The following SGCD variants were observed in gnomAD, a reference collection of about 807,000 sequenced individuals.
SGCD encodes sarcoglycan delta.
A neutral mutation model predicts 36.6 loss-of-function variants in SGCD; 18 were observed. The observed-to-expected ratio is 0.49, with a 90% CI of 0.34 to 0.73. The LOEUF (loss-of-function observed/expected upper bound fraction) is 0.73, where lower values mean the gene tolerates loss of function less well. Among genes scored for constraint, SGCD ranks in the 30% least tolerant of loss-of-function variants. The pLI, the probability that SGCD is intolerant of heterozygous loss-of-function variation, is 0.01. For synonymous variants in SGCD, 133 were observed against 130.6 expected, an observed-to-expected ratio of 1.02 and a Z score of -0.12; for missense variants, 387 against 346.7, an observed-to-expected ratio of 1.12 and a Z score of -0.92.
chr5:156,193,892 A>G (rs1399656084), intron 3 of SGCD, among the ~76,000 whole-genome samples: 2 of 152,222 alleles, frequency 1.3e-5, no homozygotes, highest in East Asian at 3.8e-4. Context: ...GGCAACACTC[A>G]TGTTGTTGAC....
At chr5:156,028,892 A>T (rs2127575073) in intron 1 of SGCD, among the ~76,000 whole-genome samples, 1 of 152,338 alleles carries the variant, frequency 6.6e-6, no homozygotes, top group East Asian at 1.9e-4. Flanking sequence ...TTACTAATTA[A>T]AAGACATACC....
chr5:156,055,657 T>C (rs1760039347), intron 1 of SGCD, among the ~76,000 whole-genome samples: 1 of 146,368 alleles, frequency 6.8e-6, no homozygotes, highest in East Asian at 1.9e-4. Context: ...GGAAATGTAC[T>C]CTTTAACAAA....
chr5:155,848,466 C>T, the SGCD span, among the ~76,000 whole-genome samples: 1 of 152,110 alleles, frequency 6.6e-6, no homozygotes, highest in African/African-American at 2.4e-5. Flanking sequence ...AAAAACCACC[C>T]CTGGAATATG....
chr5:156,349,613 G>A (rs760760194), intron 3 of SGCD, among the ~76,000 whole-genome samples: 51 of 152,084 alleles, frequency 3.4e-4, no homozygotes, highest in Non-Finnish European at 6.3e-4. Context: ...TTTGGATGTG[G>A]TGAAGAAGGA....
At chr5:156,592,559 C>T (rs968220419) in intron 5 of SGCD, among the ~76,000 whole-genome samples, 1 of 152,048 alleles carries the variant, frequency 6.6e-6, no homozygotes, top group Non-Finnish European at 1.5e-5. Context: ...CTGGCTCTTC[C>T]AGATGTGCTG....
intron 3 of SGCD, among the ~76,000 whole-genome samples, chr5:156,315,252 T>A: frequency 8.1e-6 from 1 of 123,936 alleles, no homozygotes; most frequent in East Asian, 2.6e-4. Context: ...TACTCTCTGT[T>A]ACTTTGAGTC....
chr5:156,340,899 C>CT (rs1768615565), intron 2 of SGCD, among the ~76,000 whole-genome samples: 1 of 152,192 alleles, frequency 6.6e-6, no homozygotes, highest in Non-Finnish European at 1.5e-5. Flanking sequence ...CTAAATTTCC[C>CT]TTTCCATGCA....
At chr5:156,266,449 C>A (rs985330203) in intron 3 of SGCD, among the ~76,000 whole-genome samples, 1 of 152,092 alleles carries the variant, frequency 6.6e-6, no homozygotes, top group Non-Finnish European at 1.5e-5. Context: ...CACTTTGTAC[C>A]ATGTCTCTTT....
chr5:155,862,966 G>A, the SGCD span, among the ~76,000 whole-genome samples: 1 of 152,226 alleles, frequency 6.6e-6, no homozygotes, highest in African/African-American at 2.4e-5. Flanking sequence ...AATCCAGAGG[G>A]AAGATGTCCA....
intron 3 of SGCD, among the ~76,000 whole-genome samples, chr5:156,308,487 A>G (rs1308600742): frequency 6.6e-6 from 1 of 151,986 alleles, no homozygotes; most frequent in Non-Finnish European, 1.5e-5. Context: ...TTTAGTAGAG[A>G]TGGGGTTTCA....
chr5:156,667,635 G>A (rs1310461241), intron 7 of SGCD, among the ~76,000 whole-genome samples: 2 of 152,202 alleles, frequency 1.3e-5, no homozygotes, highest in Non-Finnish European at 2.9e-5. Context: ...TCAGTAGTCT[G>A]TACTCTGAAG....
chr5:156,117,757 T>C (rs1333153817), intron 1 of SGCD: 2 of 152,256 alleles, frequency 1.3e-5, no homozygotes, highest in Non-Finnish European at 2.9e-5. Context: ...TAGGCAGGGA[T>C]CTAATGCTTT....
intron 1 of SGCD, among the ~76,000 whole-genome samples, chr5:156,068,091 A>G (rs1004287924): frequency 6.6e-6 from 1 of 150,712 alleles, no homozygotes; most frequent in Non-Finnish European, 1.5e-5. Flanking sequence ...TGTCCCTAGA[A>G]TTTTATATTT....
chr5:156,413,762 G>A (rs1772890182), intron 3 of SGCD, among the ~76,000 whole-genome samples: 1 of 152,152 alleles, frequency 6.6e-6, no homozygotes, highest in Non-Finnish European at 1.5e-5. Flanking sequence ...AACAAACTTT[G>A]TCTTTGCTAG....
chr5:155,877,314 T>A (rs1490512367), intron 1 of SGCD, among the ~76,000 whole-genome samples: 1 of 152,178 alleles, frequency 6.6e-6, no homozygotes, highest in Admixed American at 6.6e-5. Context: ...TTTGCCAAGT[T>A]ACTCATGGCC....
At chr5:155,845,901 G>GTTCTGTGCCACATGCTCAT in the SGCD span, among the ~76,000 whole-genome samples, 28 of 152,146 alleles carry the variant, frequency 1.8e-4, no homozygotes, top group African/African-American at 6.8e-4. Context: ...CATCTTTGAT[G>GTTCTGTGCCACATGCTCAT]TTCTGTGCCA....
At chr5:156,210,688 G>A (rs913253669) in intron 3 of SGCD, among the ~76,000 whole-genome samples, 1 of 151,860 alleles carries the variant, frequency 6.6e-6, no homozygotes, top group Non-Finnish European at 1.5e-5. Context: ...ATGCAATGAA[G>A]AGATTTAGAA....
At chr5:155,900,678 T>C (rs1756370162) in intron 1 of SGCD, among the ~76,000 whole-genome samples, 1 of 151,024 alleles carries the variant, frequency 6.6e-6, no homozygotes, top group Non-Finnish European at 1.5e-5. Flanking sequence ...TGCTTTTTAA[T>C]AGATGTTGGA....
chr5:156,628,584 G>A (rs1762516287), intron 6 of SGCD, among the ~76,000 whole-genome samples: 1 of 152,114 alleles, frequency 6.6e-6, no homozygotes, highest in Admixed American at 6.5e-5. Context: ...GAAGTCACTG[G>A]GATCTGCCAT....
Sources: allele counts gnomAD v4.1 joint callset (sites outside exome capture counted in the v4.1 genomes callset), GRCh38; gene constraint gnomAD v4.1.1; transcripts MANE v1.5; gene names NCBI Gene and HGNC (gene_info 2026-07-23, HGNC 2026-07-21).